GLT8D2: variants seen among roughly 807,000 people sequenced by gnomAD.
GLT8D2 encodes glycosyltransferase 8 domain containing 2, also known as glycosyltransferase 8 domain-containing protein 2.
Under a neutral mutation model 44.5 loss-of-function variants are expected in GLT8D2, and 45 were observed. The ratio of observed to expected loss-of-function variants is 1.01; its 90% CI spans 0.80 to 1.30. GLT8D2 has a LOEUF of 1.30. Ranked by LOEUF, GLT8D2 falls within the 50% of genes most tolerant of loss-of-function variation. GLT8D2 has a pLI of 0.00. For missense variants in GLT8D2, 400 were observed against 430.4 expected (o/e 0.93, Z 0.62); for synonymous variants, 156 against 157.2 (o/e 0.99, Z 0.06).
At position 104,015,070 on chromosome 12, in the gene GLT8D2, G is replaced by A. The variant is rs1435548296; in HGVS notation, c.55C>T (p.Leu19Phe). The A allele has an allele frequency of 6.2e-7, 1 of 1,613,846 alleles. No homozygotes were observed. The highest frequency in any genetic ancestry group is 8.5e-7 in the Non-Finnish European group (1 of 1,179,818). The change falls in exon 4 of 11, where the codon CTC (leucine) becomes TTC (phenylalanine). Residue 19 changes from leucine to phenylalanine, a missense_variant. By Grantham distance (22) the Leu-to-Phe change is conservative. Coordinates refer to ENST00000360814, the MANE Select transcript of GLT8D2 (RefSeq NM_001384711.1). ...ACTTTCTTATACAGAATCACACAGA[G>A]GGTCACGATCAGAAGGAACAGCAGC... ...QVLLFLLIVT[L>F]CVILYKKVHK... is the part of the protein sequence containing the mutation.
intron 1 of GLT8D2, among the ~76,000 whole-genome samples, chr12:104,022,539 A>C (rs967682509): frequency 6.6e-6 from 1 of 152,128 alleles, no homozygotes; most frequent in Non-Finnish European, 1.5e-5. Flanking sequence ...GATTTTTTTC[A>C]GTTGATAGTC....
chr12:104,057,839 C>CT (rs1453497350), intron 1 of GLT8D2, among the ~76,000 whole-genome samples: 1 of 152,110 alleles, frequency 6.6e-6, no homozygotes, highest in Non-Finnish European at 1.5e-5. Context: ...TCCCCCCTTG[C>CT]TAGGTCACTG....
At chr12:104,051,734 C>T (rs1344323204), upstream of GLT8D2, among the ~76,000 whole-genome samples, 1 of 152,096 alleles carries the variant, frequency 6.6e-6, no homozygotes, top group African/African-American at 2.4e-5. Flanking sequence ...TCCCTTCCTC[C>T]TGCCCTTCCC....
At chr12:103,997,286 A>C (rs1344664659) in intron 7 of GLT8D2, among the ~76,000 whole-genome samples, 165 bp downstream of exon 7, 1 of 152,154 alleles carries the variant, frequency 6.6e-6, no homozygotes, top group African/African-American at 2.4e-5. Flanking sequence ...GTAAGTATCA[A>C]CCCGTTTCCA....
intron 3 of GLT8D2, among the ~76,000 whole-genome samples, chr12:104,018,041 C>T (rs1381568226): frequency 6.6e-6 from 1 of 152,062 alleles, no homozygotes; most frequent in Non-Finnish European, 1.5e-5. Flanking sequence ...GTGATCTCAG[C>T]TCACTGTAAC....
At chr12:104,041,759 T>C (rs1323147255) in intron 1 of GLT8D2, among the ~76,000 whole-genome samples, 2 of 152,084 alleles carry the variant, frequency 1.3e-5, no homozygotes, top group Admixed American at 1.3e-4. Flanking sequence ...TAGTCCACAT[T>C]TGGGGGAAGG....
intron 1 of GLT8D2, among the ~76,000 whole-genome samples, chr12:104,033,717 T>C (rs539192780): frequency 1.3e-5 from 2 of 152,274 alleles, no homozygotes; most frequent in Admixed American, 6.5e-5. Context: ...TTGATTGTGG[T>C]AATCATTTCA....
intron 4 of GLT8D2, among the ~76,000 whole-genome samples, chr12:104,006,720 A>G (rs1050659206): frequency 1.3e-5 from 2 of 152,222 alleles, no homozygotes; most frequent in African/African-American, 2.4e-5. Flanking sequence ...GATTTACAAG[A>G]AAAAGCTTTG....
At chr12:103,994,804 AC>A (rs1033203945) in intron 8 of GLT8D2, among the ~76,000 whole-genome samples, 35 of 152,032 alleles carry the variant, frequency 2.3e-4, no homozygotes, top group African/African-American at 8.0e-4. Context: ...TCTCCTCTGG[AC>A]TTCCAACTCC....
chr12:104,015,816 A>C (rs1470523396), intron 3 of GLT8D2, among the ~76,000 whole-genome samples: 1 of 151,934 alleles, frequency 6.6e-6, no homozygotes, highest in Non-Finnish European at 1.5e-5. Context: ...AGCCTGGGCA[A>C]TATGGTGAAA....
chr12:104,023,794 A>G (rs181321398), intron 1 of GLT8D2, among the ~76,000 whole-genome samples: 1 of 152,262 alleles, frequency 6.6e-6, no homozygotes, highest in African/African-American at 2.4e-5. Context: ...AGGATGTAAT[A>G]TTTTGCGAGA....
At position 104,016,780 on chromosome 12, in the gene GLT8D2, AAG is replaced by A. The variant is rs1566199688; in HGVS notation, c.20-1677_20-1676del. On this transcript the variant is annotated intron_variant, in intron 3 of 10. Coordinates refer to ENST00000360814, the MANE Select transcript of GLT8D2 (RefSeq NM_001384711.1). ...GAAAGAAAGAAAGAAAGAAAGAAGG[AAG>A]GAAGGAAGGAAGGAAGGAAGGAAGG... 4.7e-3 allele frequency among the ~76,000 whole-genome samples: 530 copies of A among 112,588 alleles called. 1 individual carries two copies. Among genetic ancestry groups the A allele is most frequent in the African/African-American group, 6.3e-3 (185 of 29,598 alleles). 73.9% of individuals were successfully genotyped at this position (112,588 alleles called of 152,430 possible).
intron 4 of GLT8D2, among the ~76,000 whole-genome samples, chr12:104,011,341 C>T (rs952455172): frequency 1.3e-5 from 2 of 152,234 alleles, no homozygotes; most frequent in Non-Finnish European, 2.9e-5. Flanking sequence ...CATCACAATG[C>T]TGGCAGAATG....
At chr12:104,048,097 A>C (rs1260053268) in intron 1 of GLT8D2, among the ~76,000 whole-genome samples, 2 of 152,220 alleles carry the variant, frequency 1.3e-5, no homozygotes, top group Non-Finnish European at 2.9e-5. Context: ...ATATACCAGT[A>C]CAACACACAT....
chr12:104,060,104 C>T (rs184268953), intron 1 of GLT8D2, among the ~76,000 whole-genome samples: 1 of 152,352 alleles, frequency 6.6e-6, no homozygotes, highest in African/African-American at 2.4e-5. Flanking sequence ...TCCCTGACCT[C>T]TCTGTGGCTT....
intron 3 of GLT8D2, among the ~76,000 whole-genome samples, chr12:104,019,421 C>T (rs1413865400): frequency 6.6e-6 from 1 of 152,100 alleles, no homozygotes; most frequent in Non-Finnish European, 1.5e-5. Context: ...AGCCAGTGCG[C>T]CCAGCCGATA....
intron 1 of GLT8D2, among the ~76,000 whole-genome samples, chr12:104,034,953 C>T (rs1879763201): frequency 6.6e-6 from 1 of 152,180 alleles, no homozygotes; most frequent in South Asian, 2.1e-4. Context: ...GAGGAAGGAT[C>T]AGGCAGCAAT....
intron 1 of GLT8D2, among the ~76,000 whole-genome samples, chr12:104,038,301 C>T (rs557908700): frequency 2.6e-4 from 40 of 152,268 alleles, no homozygotes; most frequent in African/African-American, 8.4e-4. Flanking sequence ...CCAGGGCAAT[C>T]AGGCAGGAGA....
chr12:104,049,714 A>G (rs1410445362), intron 1 of GLT8D2, among the ~76,000 whole-genome samples, 181 bp downstream of exon 1: 1 of 152,218 alleles, frequency 6.6e-6, no homozygotes. Flanking sequence ...GAAATGGCCG[A>G]AAAGGGTTCC....
Sources: allele counts gnomAD v4.1 joint callset (sites outside exome capture counted in the v4.1 genomes callset), GRCh38; gene constraint gnomAD v4.1.1; transcripts MANE v1.5; gene names NCBI Gene and HGNC (gene_info 2026-07-23, HGNC 2026-07-21).